The following DGKB variants were observed in gnomAD, a reference collection of about 807,000 sequenced individuals.
DGKB encodes diacylglycerol kinase beta, also known as 90 kDa diacylglycerol kinase.
A neutral mutation model predicts 114.3 loss-of-function variants in DGKB; 67 were observed. The observed-to-expected ratio is 0.59, with a 90% CI of 0.48 to 0.72. DGKB has a LOEUF of 0.72. DGKB is among the 30% of genes least tolerant of loss of function. DGKB has a pLI of 0.00. For synonymous variants in DGKB, 398 were observed against 323.1 expected (o/e 1.23, Z -2.49); for missense variants, 907 against 975.2 (o/e 0.93, Z 0.93).
chr7:14,491,826 T>C (rs1784640000), intron 20 of DGKB, among the ~76,000 whole-genome samples: 1 of 152,060 alleles, frequency 6.6e-6, no homozygotes, highest in African/African-American at 2.4e-5. Context: ...ATTGTAATCA[T>C]AGTAATTAAA....
At chr7:14,451,642 G>T (rs1434258258) in intron 21 of DGKB, among the ~76,000 whole-genome samples, 1 of 151,816 alleles carries the variant, frequency 6.6e-6, no homozygotes, top group Non-Finnish European at 1.5e-5. Context: ...ATAAGAAACT[G>T]TGCTATGCCC....
chr7:14,689,331 G>GCGCC (rs1300800659), intron 9 of DGKB, among the ~76,000 whole-genome samples: 3 of 149,878 alleles, frequency 2.0e-5, no homozygotes, highest in Non-Finnish European at 4.4e-5. Context: ...TTCACCCACT[G>GCGCC]CGCCCGGCTA....
intron 23 of DGKB, among the ~76,000 whole-genome samples, chr7:14,325,360 C>T (rs1008335968): frequency 3.9e-5 from 6 of 151,984 alleles, no homozygotes; most frequent in East Asian, 1.9e-4. Flanking sequence ...AGAAAGTGAG[C>T]GATGGTAGAT....
intron 23 of DGKB, among the ~76,000 whole-genome samples, chr7:14,321,008 C>A (rs1362777426): frequency 6.6e-6 from 1 of 152,138 alleles, no homozygotes; most frequent in Non-Finnish European, 1.5e-5. Context: ...AAAAATTCAG[C>A]AGCCAGGAAA....
At chr7:14,970,933 G>A (rs1587481691) in intron 1 of DGKB, among the ~76,000 whole-genome samples, 3 of 152,252 alleles carry the variant, frequency 2.0e-5, no homozygotes, top group Admixed American at 1.3e-4. Flanking sequence ...GAAGTGGCAG[G>A]GAAGGTGTCA....
At chr7:14,357,829 A>C (rs1814880989) in intron 21 of DGKB, among the ~76,000 whole-genome samples, 1 of 152,104 alleles carries the variant, frequency 6.6e-6, no homozygotes, top group African/African-American at 2.4e-5. Context: ...TTGTGTGTAA[A>C]GGATTTTATT....
intron 21 of DGKB, among the ~76,000 whole-genome samples, chr7:14,382,375 CAT>C (rs1819622632): frequency 1.1e-5 from 1 of 88,150 alleles, no homozygotes; most frequent in Non-Finnish European, 2.8e-5. Flanking sequence ...CACTCAAATA[CAT>C]AGTTTTTTTT....
intron 20 of DGKB, among the ~76,000 whole-genome samples, chr7:14,538,670 A>G (rs1386469590): frequency 1.3e-5 from 2 of 152,240 alleles, no homozygotes; most frequent in African/African-American, 2.4e-5. Context: ...TGTCAAAGAC[A>G]TATCTTAACA....
intron 23 of DGKB, among the ~76,000 whole-genome samples, chr7:14,205,384 CTCTTT>C (rs1584438644): frequency 6.6e-6 from 1 of 151,876 alleles, no homozygotes; most frequent in African/African-American, 2.4e-5. Context: ...TCTTTCCTAT[CTCTTT>C]TCTTATGTTT....
intron 23 of DGKB, among the ~76,000 whole-genome samples, chr7:14,235,802 T>C (rs1332486578): frequency 6.6e-6 from 1 of 152,080 alleles, no homozygotes; most frequent in Non-Finnish European, 1.5e-5. Flanking sequence ...TGTATTGATG[T>C]TTAGCTCCTT....
chr7:14,666,315 A>T (rs961631018), intron 13 of DGKB, among the ~76,000 whole-genome samples: 4 of 151,384 alleles, frequency 2.6e-5, no homozygotes, highest in African/African-American at 9.8e-5. Context: ...GCTGAAGCCC[A>T]ATTTAATTTA....
chr7:14,960,095 T>C (rs1007417763), intron 1 of DGKB, among the ~76,000 whole-genome samples: 1 of 148,768 alleles, frequency 6.7e-6, no homozygotes, highest in Non-Finnish European at 1.5e-5. Flanking sequence ...TCAGTGTGAC[T>C]TTTGGAAGAC....
chr7:14,747,856 C>T (rs1010654198), intron 4 of DGKB, among the ~76,000 whole-genome samples: 14 of 151,998 alleles, frequency 9.2e-5, no homozygotes, highest in African/African-American at 3.1e-4. Context: ...GGAACAGCCA[C>T]AGACTATTTA....
At chr7:14,731,488 A>C (rs1830915970) in intron 5 of DGKB, among the ~76,000 whole-genome samples, 1 of 152,178 alleles carries the variant, frequency 6.6e-6, no homozygotes, top group Non-Finnish European at 1.5e-5. Context: ...CAGTGCCAAT[A>C]ATAAATAATT....
intron 12 of DGKB, among the ~76,000 whole-genome samples, chr7:14,676,843 G>C (rs1380668578): frequency 6.6e-6 from 1 of 151,594 alleles, no homozygotes; most frequent in Non-Finnish European, 1.5e-5. Context: ...GCGCACCAGA[G>C]AAAATCAAAT....
intron 4 of DGKB, among the ~76,000 whole-genome samples, chr7:14,741,443 G>C (rs1254146041): frequency 2.0e-5 from 3 of 152,138 alleles, no homozygotes; most frequent in Non-Finnish European, 4.4e-5. Flanking sequence ...CCTTAGGATG[G>C]GATAAGGACC....
At chr7:14,946,378 A>T (rs948074187) in intron 1 of DGKB, among the ~76,000 whole-genome samples, 12 of 151,742 alleles carry the variant, frequency 7.9e-5, no homozygotes, top group African/African-American at 2.7e-4. Context: ...TATCCAAACC[A>T]AACTCCCATT....
chr7:14,225,422 C>A (rs1790640720), intron 23 of DGKB, among the ~76,000 whole-genome samples: 1 of 152,024 alleles, frequency 6.6e-6, no homozygotes, highest in Non-Finnish European at 1.5e-5. Flanking sequence ...GCCCCTAAGA[C>A]CATAAGACCA....
rs1583834034 is a variant in DGKB at position 14,424,101 on chromosome 7, T to A, written c.1835+54060A>T. ...ACCATTTAAATCCTTACTCTCTACG[T>A]CTTCCATGCAAAAACCAGGATTGGT... On this transcript the variant is annotated intron_variant, in intron 21 of 25. Transcript: ENST00000402815. Among the ~76,000 whole-genome samples, 9 of 152,206 alleles carry A rather than the reference T, an allele frequency of 5.9e-5. 2 individuals carry two copies.
Sources: gnomAD v4.1 joint callset for allele counts (sites outside exome capture counted in the v4.1 genomes callset) on GRCh38, gnomAD v4.1.1 for gene constraint, MANE v1.5 for transcripts, NCBI Gene and HGNC (gene_info 2026-07-23, HGNC 2026-07-21) for gene names.